The following ACSL4 variants were observed in gnomAD, a reference collection of about 807,000 sequenced individuals.
ACSL4 encodes long-chain-fatty-acid--CoA ligase 4.
Under a neutral mutation model 49.1 loss-of-function variants are expected in ACSL4, and 9 were observed. The observed-to-expected ratio is 0.18, with a 90% CI of 0.11 to 0.32. The LOEUF is 0.32. Ranked by LOEUF, ACSL4 falls within the 10% of genes least tolerant of loss-of-function variation. ACSL4 has a pLI of 1.00. For missense variants in ACSL4, 333 were observed against 493.7 expected (o/e 0.67, Z 3.08); for synonymous variants, 191 against 170.3 (o/e 1.12, Z -0.95).
At chrX:109,645,638 G>C (rs1411587174) in intron 15 of ACSL4, among the ~76,000 whole-genome samples, 2 of 112,501 alleles carry the variant, frequency 1.8e-5, no homozygotes, top group Admixed American at 9.4e-5. Context: ...AAGGAATGCA[G>C]TTCCTCACCA....
At chrX:109,646,838 A>C (rs1480294297) in intron 15 of ACSL4, among the ~76,000 whole-genome samples, 1 of 110,499 alleles carries the variant, frequency 9.0e-6, no homozygotes, top group Non-Finnish European at 1.9e-5. Flanking sequence ...TCTACCAAGC[A>C]AATGGAAAAC....
chrX:109,678,498 C>T, intron 6 of ACSL4, 83 bp from the exon 7 acceptor site: 2 of 1,091,888 alleles, frequency 1.8e-6, no homozygotes. Flanking sequence ...TTAGATTTTG[C>T]ATAACGATAA....
intron 15 of ACSL4, among the ~76,000 whole-genome samples, chrX:109,644,738 C>T (rs769730958): frequency 7.1e-5 from 8 of 112,615 alleles, no homozygotes; most frequent in Admixed American, 9.3e-5. Context: ...ACACAGAAGA[C>T]GGGTGATTTC....
chrX:109,645,530 A>G (rs1244411735), intron 15 of ACSL4, among the ~76,000 whole-genome samples: 4 of 112,109 alleles, frequency 3.6e-5, no homozygotes, highest in African/African-American at 1.3e-4. Flanking sequence ...GTACATCACC[A>G]TCATCAAAGA....
At chrX:109,677,465 A>G (rs1280898871) in intron 8 of ACSL4, among the ~76,000 whole-genome samples, 1 of 111,409 alleles carries the variant, frequency 9.0e-6, no homozygotes, top group East Asian at 2.8e-4. Flanking sequence ...AGAAAAAGAT[A>G]AAAGTAATTA....
At chrX:109,645,653 C>T (rs1277550377) in intron 15 of ACSL4, among the ~76,000 whole-genome samples, 17 of 112,331 alleles carry the variant, frequency 1.5e-4, no homozygotes, top group Non-Finnish European at 2.3e-4. Context: ...TCACCAGCAA[C>T]GGAACAAAGC....
chrX:109,689,629 C>G (rs1292142171), intron 2 of ACSL4, among the ~76,000 whole-genome samples: 1 of 112,206 alleles, frequency 8.9e-6, no homozygotes, highest in Non-Finnish European at 1.9e-5. Context: ...TCCAAGACAT[C>G]TACGTAGCTT....
intron 6 of ACSL4, among the ~76,000 whole-genome samples, chrX:109,679,522 T>A (rs1288123451): frequency 1.8e-5 from 2 of 112,621 alleles, no homozygotes; most frequent in African/African-American, 6.4e-5. Flanking sequence ...ATTTTAATGC[T>A]TTTTAAAGAT....
In ACSL4 at chrX:109,697,711, G is replaced by T. The variant is rs202194884; in HGVS notation, c.-65-1515C>A. On this transcript the variant is annotated intron_variant, in intron 1 of 15. Transcript: ENST00000672401. ...GAAGGCTAACATTTGCTATTGACAT[G>T]GGGGGGGGGGCGCGGGGAACTTGCA... is the stretch of plus-strand genomic sequence containing the variant. Among the ~76,000 whole-genome samples, 12 of 26,169 alleles carry T rather than the reference G, an allele frequency of 4.6e-4. No individual in the cohort carries two copies. In the East Asian group the frequency reaches 5.6e-3, roughly 12 times the overall value. 22.7% of individuals were successfully genotyped at this position (26,169 alleles called of 115,157 possible).
At chrX:109,728,608 T>G in intron 1 of ACSL4, among the ~76,000 whole-genome samples, 1 of 112,520 alleles carries the variant, frequency 8.9e-6, no homozygotes, top group Non-Finnish European at 1.9e-5. Context: ...TGTATTAACA[T>G]TCTAAGCCAT....
Position 109,689,915 on chromosome X carries a change from A to G in ACSL4, c.-13+6229T>C, listed in dbSNP as rs763428649. 9.8e-5 allele frequency among the ~76,000 whole-genome samples: 11 copies of G among 112,151 alleles called. No individual in the cohort carries two copies. In the South Asian group the frequency reaches 4.1e-3, roughly 41 times the overall value. The stretch of plus-strand genomic sequence containing the variant: ...GCCTCCGTGTGTTGGCTTCAATCAA[A>G]TTGTTTACTGAATTAAGAATGTACT... On this transcript the variant is annotated intron_variant, in intron 2 of 15. Transcript: ENST00000672401.
chrX:109,676,574 A>G (rs1323843948), intron 8 of ACSL4, among the ~76,000 whole-genome samples: 2 of 109,657 alleles, frequency 1.8e-5, no homozygotes, highest in Non-Finnish European at 3.8e-5. Flanking sequence ...AGCATCCAGA[A>G]CCCCACAGCT....
At chrX:109,675,261 G>A (rs1317726972) in intron 8 of ACSL4, among the ~76,000 whole-genome samples, 1 of 112,750 alleles carries the variant, frequency 8.9e-6, no homozygotes, top group African/African-American at 3.2e-5. Flanking sequence ...ACAGAGAGCA[G>A]TTCCAGGATA....
intron 15 of ACSL4, among the ~76,000 whole-genome samples, chrX:109,644,874 C>T (rs920600772): frequency 8.8e-6 from 1 of 113,376 alleles, no homozygotes; most frequent in African/African-American, 3.2e-5. Context: ...TCGGGAAGCA[C>T]AAGGGGTCAG....
chrX:109,652,865 A>G (rs904244567), intron 15 of ACSL4, among the ~76,000 whole-genome samples: 6 of 111,657 alleles, frequency 5.4e-5, no homozygotes, highest in Admixed American at 1.9e-4. Flanking sequence ...TAGGTATAAA[A>G]TAAATAAGCT....
intron 2 of ACSL4, among the ~76,000 whole-genome samples, chrX:109,695,383 G>A (rs971934213): frequency 9.2e-6 from 1 of 108,732 alleles, no homozygotes; most frequent in Non-Finnish European, 1.9e-5. Flanking sequence ...AACGTATCGG[G>A]GCAAGCATAA....
intron 1 of ACSL4, among the ~76,000 whole-genome samples, chrX:109,708,181 A>G (rs1469291181): frequency 8.9e-6 from 1 of 112,332 alleles, no homozygotes; most frequent in Non-Finnish European, 1.9e-5. Context: ...CCTGGGCTCA[A>G]GCGATCCATC....
At chrX:109,693,699 T>A (rs1331972117) in intron 2 of ACSL4, among the ~76,000 whole-genome samples, 1 of 111,965 alleles carries the variant, frequency 8.9e-6, no homozygotes, top group East Asian at 2.8e-4. Context: ...GGGAGCTAAT[T>A]ATTTCCATTT....
rs1186520335 is a variant in ACSL4 at position 109,642,612 on chromosome X, T to TAA, written c.*1415_*1416dup. 2 of 111,339 alleles carry TAA rather than the reference T, an allele frequency of 1.8e-5. No homozygotes were observed. Among genetic ancestry groups the TAA allele is most frequent in the African/African-American group, 3.3e-5 (1 of 30,589 alleles). 9.2% of individuals were successfully genotyped at this position (111,339 alleles called of 1,213,427 possible). Reference sequence around the variant, plus strand: ...ACACACATATATATATGCATATATATAAAAAATGATTAAGAAAAAGTGCAA... The same window carrying TAA: ...ACACACATATATATATGCATATATATAAAAAAAATGATTAAGAAAAAGTGCAA... On this transcript the variant is annotated 3_prime_UTR_variant, in exon 16 of 16. Transcript: ENST00000672401.
Sources: gnomAD v4.1 joint callset for allele counts (sites outside exome capture counted in the v4.1 genomes callset) on GRCh38, gnomAD v4.1.1 for gene constraint, MANE v1.5 for transcripts, NCBI Gene and HGNC (gene_info 2026-07-23, HGNC 2026-07-21) for gene names.